The following BICDL1 variants were observed in gnomAD, a reference collection of about 807,000 sequenced individuals.
The protein encoded by BICDL1 is BICD family like cargo adaptor 1.
BICDL1 carries 20 observed loss-of-function variants against 76.8 expected under a neutral mutation model. That is an observed-to-expected ratio of 0.26 (90% CI 0.18 to 0.38). The LOEUF (loss-of-function observed/expected upper bound fraction) is 0.38. BICDL1 is among the 10% of genes least tolerant of loss of function. BICDL1 has a pLI of 1.00. For missense variants in BICDL1, 700 were observed against 798.6 expected, an observed-to-expected ratio of 0.88 and a Z score of 1.49; for synonymous variants, 383 against 337.1, an observed-to-expected ratio of 1.14 and a Z score of -1.49.
intron 7 of BICDL1, among the ~76,000 whole-genome samples, chr12:120,078,873 G>A (rs1021072301): frequency 5.3e-5 from 8 of 152,244 alleles, no homozygotes; most frequent in African/African-American, 1.9e-4. Flanking sequence ...CCAAGGCCAT[G>A]GCAGGGCTCA....
chr12:120,076,374 C>T (rs1873550620), intron 7 of BICDL1, among the ~76,000 whole-genome samples: 1 of 152,106 alleles, frequency 6.6e-6, no homozygotes, highest in South Asian at 2.1e-4. Flanking sequence ...ATTTTAAAGC[C>T]TATTTAAATT....
chr12:120,077,722 G>A (rs1466376205), intron 7 of BICDL1, among the ~76,000 whole-genome samples: 6 of 152,108 alleles, frequency 3.9e-5, no homozygotes, highest in African/African-American at 1.2e-4. Flanking sequence ...CCTAGCTCCT[G>A]CCCTATTTCA....
At chr12:120,026,087 C>T (rs1230495554) in intron 2 of BICDL1, among the ~76,000 whole-genome samples, 1 of 152,180 alleles carries the variant, frequency 6.6e-6, no homozygotes, top group Non-Finnish European at 1.5e-5. Flanking sequence ...ATCCACCCAC[C>T]TCGGCCTCCC....
intron 3 of BICDL1, among the ~76,000 whole-genome samples, chr12:120,063,476 C>A (rs550365381): frequency 6.6e-6 from 1 of 151,988 alleles, no homozygotes; most frequent in South Asian, 2.1e-4. Context: ...GAGCAGAATT[C>A]TAGTTCAGAG....
chr12:120,038,311 C>T (rs1216923479), intron 2 of BICDL1, among the ~76,000 whole-genome samples: 3 of 152,146 alleles, frequency 2.0e-5, no homozygotes, highest in Non-Finnish European at 4.4e-5. Context: ...TTTGAATTTG[C>T]TCTTAGTGAT....
At chr12:120,069,717 G>A (rs1309187706) in intron 4 of BICDL1, among the ~76,000 whole-genome samples, 1 of 151,820 alleles carries the variant, frequency 6.6e-6, no homozygotes, top group Non-Finnish European at 1.5e-5. Context: ...TGTATATATA[G>A]TAAAGCATAC....
chr12:120,067,518 T>G (rs1953247119), intron 4 of BICDL1, among the ~76,000 whole-genome samples: 1 of 152,254 alleles, frequency 6.6e-6, no homozygotes, highest in African/African-American at 2.4e-5. Flanking sequence ...TTTCTTATTT[T>G]AAAGGGCTCT....
At chr12:120,010,647 C>G (rs1951934502) in intron 2 of BICDL1, among the ~76,000 whole-genome samples, 1 of 152,226 alleles carries the variant, frequency 6.6e-6, no homozygotes, top group Non-Finnish European at 1.5e-5. Context: ...TGGTGGATTC[C>G]TGTCCCCTTC....
rs1253740137 is a variant in BICDL1 at position 120,013,068 on chromosome 12, T to C, written c.645+14332T>C. Among the ~76,000 whole-genome samples the C allele has an allele frequency of 3.3e-5, 5 of 152,252 alleles. No individual in the cohort carries two copies. In the East Asian group the frequency reaches 9.7e-4, roughly 29 times the overall value. ...GCTCATGCCTGTAATCCCAGCACTT[T>C]GGGAGGCCAAGGCGGGTGGATCACC... On this transcript the variant is annotated intron_variant, in intron 2 of 9. Transcript: ENST00000548673.
At chr12:119,994,734 C>T (rs1263527463) in intron 1 of BICDL1, among the ~76,000 whole-genome samples, 2 of 152,166 alleles carry the variant, frequency 1.3e-5, no homozygotes, top group Admixed American at 1.3e-4. Context: ...GTGATCTGCC[C>T]ACCTGGGCCT....
chr12:120,045,792 A>C (rs1360775837), intron 2 of BICDL1, among the ~76,000 whole-genome samples: 2 of 133,194 alleles, frequency 1.5e-5, no homozygotes, highest in Non-Finnish European at 3.2e-5. Flanking sequence ...GGGGGGAGGG[A>C]TAGCATTGGG....
At chr12:120,060,851 G>C (rs1464842690) in intron 2 of BICDL1, among the ~76,000 whole-genome samples, 1 of 152,188 alleles carries the variant, frequency 6.6e-6, no homozygotes, top group African/African-American at 2.4e-5. Flanking sequence ...CCACCTCCTC[G>C]GAAAGCCTTT....
At chr12:120,052,305 TCCTTTC>T (rs1057151908) in intron 2 of BICDL1, among the ~76,000 whole-genome samples, 31 of 148,496 alleles carry the variant, frequency 2.1e-4, no homozygotes, top group African/African-American at 7.0e-4. Flanking sequence ...CTTCCTTCCT[TCCTTTC>T]TCTCTCTCTC....
intron 9 of BICDL1, chr12:120,090,697 C>T (rs1301064407): frequency 2.7e-6 from 1 of 369,146 alleles, no homozygotes; most frequent in African/African-American, 2.1e-5. Context: ...AATTCTCATC[C>T]AGACAGATGA....
intron 2 of BICDL1, among the ~76,000 whole-genome samples, chr12:120,060,820 C>T (rs1953088360): frequency 6.6e-6 from 1 of 152,184 alleles, no homozygotes; most frequent in Non-Finnish European, 1.5e-5. Context: ...GCTAGCCTAC[C>T]ACTTCAACAT....
intron 2 of BICDL1, among the ~76,000 whole-genome samples, chr12:120,023,015 G>A (rs1952214568): frequency 6.6e-6 from 1 of 152,214 alleles, no homozygotes; most frequent in Non-Finnish European, 1.5e-5. Context: ...TTGATGGAAT[G>A]GGTCCCATGT....
intron 8 of BICDL1, among the ~76,000 whole-genome samples, chr12:120,084,558 AT>A (rs1235833171): frequency 1.3e-5 from 2 of 152,190 alleles, no homozygotes; most frequent in African/African-American, 4.8e-5. Context: ...TGTAAAAAAA[AT>A]AATATGACAC....
intron 2 of BICDL1, among the ~76,000 whole-genome samples, chr12:120,028,862 G>A (rs1046284398): frequency 6.6e-6 from 1 of 151,886 alleles, no homozygotes; most frequent in East Asian, 1.9e-4. Flanking sequence ...AAACAAAAAA[G>A]AAAAAACCAA....
chr12:120,001,036 G>A (rs964027352), intron 2 of BICDL1, among the ~76,000 whole-genome samples: 1 of 149,814 alleles, frequency 6.7e-6, no homozygotes, highest in Non-Finnish European at 1.5e-5. Flanking sequence ...CTAGATTTTT[G>A]TTATCCTTTC....
Sources: gnomAD v4.1 joint callset for allele counts (sites outside exome capture counted in the v4.1 genomes callset) on GRCh38, gnomAD v4.1.1 for gene constraint, MANE v1.5 for transcripts, NCBI Gene and HGNC (gene_info 2026-07-23, HGNC 2026-07-21) for gene names.